TTC28: variants seen among roughly 807,000 people sequenced by gnomAD.
TTC28 encodes the protein tetratricopeptide repeat protein 28.
TTC28 carries 61 observed loss-of-function variants against 198.0 expected under a neutral mutation model. The ratio of observed to expected loss-of-function variants is 0.31; its 90% CI spans 0.25 to 0.38. The LOEUF (loss-of-function observed/expected upper bound fraction) is 0.38, where lower values mean the gene tolerates loss of function less well. Ranked by LOEUF, TTC28 falls within the 10% of genes least tolerant of loss-of-function variation. The probability of loss-of-function intolerance (pLI) is 1.00; values close to 1 mark genes in which losing one functional copy is unlikely to be tolerated. For missense variants in TTC28, 2,678 were observed against 3,164.0 expected (o/e 0.85, Z 3.69); for synonymous variants, 1,171 against 1,297.8 (o/e 0.90, Z 2.10).
chr22:28,058,780 A>T (rs1451995490), intron 12 of TTC28, among the ~76,000 whole-genome samples: 1 of 152,084 alleles, frequency 6.6e-6, no homozygotes, highest in Non-Finnish European at 1.5e-5. Context: ...TAATGAATTT[A>T]ATAGACATAG....
intron 5 of TTC28, among the ~76,000 whole-genome samples, chr22:28,191,405 G>C (rs960849203): frequency 8.5e-5 from 13 of 152,234 alleles, no homozygotes; most frequent in African/African-American, 2.9e-4. Context: ...AACTGAGGTA[G>C]CGGGTTCATC....
intron 5 of TTC28, among the ~76,000 whole-genome samples, chr22:28,292,825 AAAGT>A (rs933998489): frequency 6.6e-5 from 10 of 152,208 alleles, no homozygotes; most frequent in African/African-American, 2.4e-4. Context: ...CCTCAAAAAG[AAAGT>A]AAGTCCCTCA....
At chr22:28,248,857 T>TC (rs1930309448) in intron 5 of TTC28, among the ~76,000 whole-genome samples, 1 of 152,116 alleles carries the variant, frequency 6.6e-6, no homozygotes, top group African/African-American at 2.4e-5. Flanking sequence ...AACTAAAACT[T>TC]AAAGCAGTAT....
At chr22:28,123,634 T>G (rs1466406935) in intron 6 of TTC28, among the ~76,000 whole-genome samples, 1 of 152,244 alleles carries the variant, frequency 6.6e-6, no homozygotes, top group Non-Finnish European at 1.5e-5. Flanking sequence ...CTTCCTTCTA[T>G]CATCCATCTT....
chr22:28,676,778 G>T (rs1219119989), intron 1 of TTC28, among the ~76,000 whole-genome samples: 2 of 151,204 alleles, frequency 1.3e-5, no homozygotes, highest in African/African-American at 4.9e-5. Flanking sequence ...CAGCTACTCA[G>T]AAGGCTGAGG....
intron 5 of TTC28, among the ~76,000 whole-genome samples, chr22:28,274,976 T>TTA (rs1555956396): frequency 1.3e-5 from 1 of 77,876 alleles, no homozygotes; most frequent in Non-Finnish European, 2.5e-5. Context: ...GAGACTGTCT[T>TTA]AAAAAAAAAA....
chr22:28,088,189 G>C (rs1034788954), intron 12 of TTC28, among the ~76,000 whole-genome samples: 1 of 152,110 alleles, frequency 6.6e-6, no homozygotes, highest in African/African-American at 2.4e-5. Flanking sequence ...CACCAAAAAA[G>C]AGCCCGCATT....
At chr22:28,298,269 T>C (rs550827445) in intron 3 of TTC28, among the ~76,000 whole-genome samples, 2 of 152,214 alleles carry the variant, frequency 1.3e-5, no homozygotes, top group Non-Finnish European at 2.9e-5. Context: ...TTAATGGTAT[T>C]GCACAGTTTG....
At chr22:28,030,551 A>T (rs1232476469) in intron 12 of TTC28, among the ~76,000 whole-genome samples, 185 bp from the exon 13 acceptor site, 1 of 152,076 alleles carries the variant, frequency 6.6e-6, no homozygotes, top group Non-Finnish European at 1.5e-5. Context: ...TCTTTTGTCC[A>T]CTGCTTCTCA....
At chr22:28,237,307 A>G (rs766494834) in intron 5 of TTC28, among the ~76,000 whole-genome samples, 6 of 152,150 alleles carry the variant, frequency 3.9e-5, no homozygotes, top group Non-Finnish European at 5.9e-5. Flanking sequence ...CCCCTCTCCC[A>G]CGCATCCTAG....
intron 2 of TTC28, among the ~76,000 whole-genome samples, chr22:28,526,273 A>G (rs2049002302): frequency 6.6e-6 from 1 of 152,222 alleles, no homozygotes; most frequent in Admixed American, 6.5e-5. Context: ...TTTCTTAGAT[A>G]TAATTATTCT....
intron 2 of TTC28, among the ~76,000 whole-genome samples, chr22:28,460,293 A>C (rs1228740095): frequency 6.6e-6 from 1 of 152,148 alleles, no homozygotes; most frequent in Non-Finnish European, 1.5e-5. Flanking sequence ...TTGTTTAACT[A>C]GTTTTGTAAT....
intron 12 of TTC28, among the ~76,000 whole-genome samples, chr22:28,084,923 G>A (rs1185481631): frequency 1.3e-5 from 2 of 152,232 alleles, no homozygotes; most frequent in Non-Finnish European, 2.9e-5. Context: ...GATGGAAGAC[G>A]AAATGAATCA....
At chr22:28,535,710 T>G (rs1250254812) in intron 2 of TTC28, among the ~76,000 whole-genome samples, 1 of 152,040 alleles carries the variant, frequency 6.6e-6, no homozygotes, top group Non-Finnish European at 1.5e-5. Context: ...AATCTTGTGA[T>G]GGACTTCTCA....
intron 12 of TTC28, among the ~76,000 whole-genome samples, chr22:28,085,708 CAG>C (rs953666016): frequency 6.6e-6 from 1 of 151,986 alleles, no homozygotes; most frequent in Non-Finnish European, 1.5e-5. Flanking sequence ...TTAAAAGACA[CAG>C]ACTGGCAAAT....
intron 2 of TTC28, among the ~76,000 whole-genome samples, chr22:28,479,025 C>A (rs543064854): frequency 6.6e-5 from 10 of 152,286 alleles, no homozygotes; most frequent in Admixed American, 2.6e-4. Flanking sequence ...TTGCTCACTT[C>A]TGACTTCCCA....
chr22:28,037,180 A>G (rs1165787038), intron 12 of TTC28, among the ~76,000 whole-genome samples: 4 of 152,230 alleles, frequency 2.6e-5, no homozygotes, highest in Non-Finnish European at 5.9e-5. Flanking sequence ...GGCCAGCATC[A>G]TCCTGATACC....
Position 28,163,550 on chromosome 22 carries a change from C to G in TTC28, c.983G>C (p.Gly328Ala). 2 of 1,551,330 alleles carry G rather than the reference C, an allele frequency of 1.3e-6. No individual in the cohort carries two copies. Among genetic ancestry groups the G allele is most frequent in the Non-Finnish European group, 1.7e-6 (2 of 1,146,808 alleles). Residue 328 changes from glycine (G) to alanine (A), a missense_variant, in exon 6 of 23, where the codon GGA becomes GCA. Gly to Ala is a moderately conservative substitution (Grantham distance 60). Around this residue, in one of 8 missense-constraint regions of TTC28, gnomAD observed 775 missense variants for 845.9 expected, o/e 0.92. Transcript: ENST00000397906. ...ACTGGCCAGTGCATTGGGGTAGTCT[C>G]CAATGGCTGTGTACACGTGGCCCAG... ...SSLGHVYTAI[G>A]DYPNALASHK...
chr22:28,495,720 T>A (rs1354657958), intron 2 of TTC28, among the ~76,000 whole-genome samples: 1 of 152,132 alleles, frequency 6.6e-6, no homozygotes, highest in Non-Finnish European at 1.5e-5. Context: ...TTGGAGCAGA[T>A]CAGAAGGCTC....
Sources: allele counts gnomAD v4.1 joint callset (sites outside exome capture counted in the v4.1 genomes callset), GRCh38; gene constraint gnomAD v4.1.1; regional missense constraint gnomAD v4.1.1; transcripts MANE v1.5; gene names NCBI Gene and HGNC (gene_info 2026-07-23, HGNC 2026-07-21).